Variants in VPS13C observed in about 807,000 individuals in gnomAD.
VPS13C encodes the protein intermembrane lipid transfer protein VPS13C.
VPS13C carries 358 observed loss-of-function variants against 456.8 expected under a neutral mutation model. The ratio of observed to expected loss-of-function variants is 0.78; its 90% CI spans 0.72 to 0.86. VPS13C has a LOEUF of 0.86. Among genes scored for constraint, VPS13C ranks in the 40% least tolerant of loss-of-function variants. The probability of loss-of-function intolerance (pLI) is 0.00; values close to 1 mark genes in which losing one functional copy is unlikely to be tolerated. For missense variants in VPS13C, 4,818 were observed against 4,385.4 expected (o/e 1.10, Z -2.79); for synonymous variants, 1,578 against 1,486.7 (o/e 1.06, Z -1.41).
At position 61,864,455 on chromosome 15, in the gene VPS13C, T is replaced by C. The variant is rs945440494; in HGVS notation, c.10864-927A>G. The C allele has an allele frequency of 2.5e-5, 21 of 833,650 alleles. No individual in the cohort carries two copies. The African/African-American group carries it at 3.5e-4, about 14-fold the overall frequency. The allele number at this position is 833,650 out of a possible 1,614,324, so 51.6% of individuals were successfully genotyped here. ...ATTATATATAATGCATGGCTGAAAATAGATAATATATATGAAAATACAGAA... is the reference window on the plus strand; with the variant it reads ...ATTATATATAATGCATGGCTGAAAACAGATAATATATATGAAAATACAGAA... On this transcript the variant is annotated intron_variant, in intron 81 of 84. Transcript: ENST00000644861.
At chr15:62,011,184 G>C (rs978011896) in intron 12 of VPS13C, among the ~76,000 whole-genome samples, 3 of 152,044 alleles carry the variant, frequency 2.0e-5, no homozygotes, top group African/African-American at 7.2e-5. Flanking sequence ...GGGAATGCAA[G>C]GTGATAAATT....
rs1257040209 is a variant in VPS13C, at chr15:61,854,552, A to G, written c.11167T>C (p.Cys3723Arg). Residue 3723 changes from cysteine (C) to arginine (R), a missense_variant, in exon 85 of 85, where the codon TGT becomes CGT. By Grantham distance (180) the Cys-to-Arg change is radical. Around this residue, in one of 3 missense-constraint regions of VPS13C, gnomAD observed 261 missense variants for 234.1 expected, o/e 1.11. Coordinates refer to ENST00000644861, the MANE Select transcript of VPS13C (RefSeq NM_020821.3). ...GACTGTGCATCCTCAATGGCATTACATGCTCTCTGTAAAGTAAAATACTTA... is the reference window on the plus strand; with the variant it reads ...GACTGTGCATCCTCAATGGCATTACGTGCTCTCTGTAAAGTAAAATACTTA... ...LKDTATAERA[C>R]NAIEDAQSTR... 1 of 1,613,982 alleles carries G rather than the reference A, an allele frequency of 6.2e-7. No homozygotes were observed. The highest frequency in any genetic ancestry group is 8.5e-7 in the Non-Finnish European group (1 of 1,179,878).
intron 66 of VPS13C, among the ~76,000 whole-genome samples, chr15:61,897,513 T>G (rs925846798): frequency 3.3e-5 from 5 of 152,034 alleles, no homozygotes; most frequent in Admixed American, 1.3e-4. Flanking sequence ...CGATGGAAGA[T>G]GAAATGAATG....
At chr15:61,964,461 A>G (rs1026027018) in intron 31 of VPS13C, among the ~76,000 whole-genome samples, 3 of 152,046 alleles carry the variant, frequency 2.0e-5, no homozygotes, top group East Asian at 1.9e-4. Flanking sequence ...TTCTCCCCCT[A>G]TTACCTACCT....
At chr15:62,054,593 G>T (rs1229627631) in intron 1 of VPS13C, among the ~76,000 whole-genome samples, 1 of 152,114 alleles carries the variant, frequency 6.6e-6, no homozygotes, top group African/African-American at 2.4e-5. Flanking sequence ...CAAGGGGAGG[G>T]AGAGTATTAG....
chr15:61,986,926 A>G (rs1211862473), intron 18 of VPS13C, among the ~76,000 whole-genome samples: 1 of 152,174 alleles, frequency 6.6e-6, no homozygotes, highest in Non-Finnish European at 1.5e-5. Context: ...ATTTTCAGAA[A>G]GACAAAAAAA....
intron 47 of VPS13C, among the ~76,000 whole-genome samples, chr15:61,937,157 T>C (rs11071642): frequency 0.32 from 49,271 of 152,156 alleles, 9,375 homozygotes; most frequent in Non-Finnish European, 0.41. Context: ...GTTCAGTTTC[T>C]AGTCTCTACC....
Position 61,947,459 on chromosome 15 carries a change from T to C in VPS13C, c.4760-150A>G, listed in dbSNP as rs76905147. ...AGATAACATGTAATTAACATAAATT[T>C]TGGAATAATTATCAAATTCCAATCT... On this transcript the variant is annotated intron_variant, in intron 42 of 84. Transcript: ENST00000644861. 2.3e-5 allele frequency: 12 copies of C among 518,238 alleles called. No homozygotes were observed. In the East Asian group the frequency reaches 4.1e-4, roughly 18 times the overall value. The allele number at this position is 518,238 out of a possible 1,614,324, so 32.1% of individuals were successfully genotyped here.
At chr15:62,019,186 T>C (rs2047368116) in intron 9 of VPS13C, among the ~76,000 whole-genome samples, 1 of 152,188 alleles carries the variant, frequency 6.6e-6, no homozygotes, top group Non-Finnish European at 1.5e-5. Context: ...TCTTTTCTCC[T>C]TTACTAGTCT....
At chr15:62,015,959 C>CCAAAAAAAAAAAAAAAAAAAAAA (rs2047229928) in intron 9 of VPS13C, among the ~76,000 whole-genome samples, 1 of 63,506 alleles carries the variant, frequency 1.6e-5, no homozygotes, top group Non-Finnish European at 3.3e-5. Flanking sequence ...AAAAAGAAGT[C>CCAAAAAAAAAAAAAAAAAAAAAA]CAAAAAAAAA....
Position 61,961,866 on chromosome 15 carries a change from T to G in VPS13C, c.3631A>C (p.Lys1211Gln). ...LNFLNNFQTA[K>Q]ESLSAATAQA... ...GCAGTGGCAGCACTCAGAGACTCTT[T>G]GGCTGTCTGGAAATTATTCAGGAAG... Residue 1211 changes from lysine to glutamine, a missense_variant, in exon 35 of 85, where the codon AAA becomes CAA. This residue lies in a region of VPS13C where 4,552 missense variants were observed against 4,130.6 expected (regional missense o/e 1.10). Transcript: ENST00000644861. The G allele has an allele frequency of 1.2e-6, 2 of 1,612,718 alleles. No individual in the cohort carries two copies. The highest frequency in any genetic ancestry group is 1.7e-6 in the Non-Finnish European group (2 of 1,179,410).
At chr15:61,995,611 T>C (rs1357019121) in intron 16 of VPS13C, among the ~76,000 whole-genome samples, 1 of 152,182 alleles carries the variant, frequency 6.6e-6, no homozygotes, top group African/African-American at 2.4e-5. Flanking sequence ...GGAAGCCCAT[T>C]AGGCAAGGAA....
intron 1 of VPS13C, among the ~76,000 whole-genome samples, chr15:62,048,183 C>T (rs890876766): frequency 9.3e-5 from 14 of 149,970 alleles, no homozygotes; most frequent in Non-Finnish European, 1.5e-4. Context: ...TATACATGTG[C>T]CATGTTGGTG....
chr15:62,035,975 A>C (rs572791748), intron 3 of VPS13C, among the ~76,000 whole-genome samples: 1 of 152,050 alleles, frequency 6.6e-6, no homozygotes, highest in East Asian at 1.9e-4. Flanking sequence ...ATCTGTCAAA[A>C]TCTTTCCATG....
chr15:61,983,747 G>C (rs1041827723), intron 20 of VPS13C, 73 bp downstream of exon 20: 3 of 1,440,654 alleles, frequency 2.1e-6, no homozygotes, highest in Admixed American at 4.4e-5. Context: ...ATATGAAAGA[G>C]GAGAAATAAG....
chr15:61,915,925 T>A lies in VPS13C; in HGVS notation c.8153A>T (p.Tyr2718Phe). 1 of 1,614,046 alleles carries A rather than the reference T, an allele frequency of 6.2e-7. No individual in the cohort carries two copies. Among genetic ancestry groups the A allele is most frequent in the Non-Finnish European group, 8.5e-7 (1 of 1,180,012 alleles). ...ATGTCCATTCCAGTTTTTGCCCTGG[T>A]ATTTCACCAGGACTAATTCCATTAT... ...GEIMELVLVKYQGKNWNGHFR... is the reference protein window; with the variant it reads ...GEIMELVLVKFQGKNWNGHFR... The change falls in exon 61 of 85, where the codon TAC becomes TTC. Residue 2718 changes from tyrosine (Y) to phenylalanine (F), a missense_variant. Tyr to Phe is a conservative substitution (Grantham distance 22). This residue lies in a region of VPS13C where 4,552 missense variants were observed against 4,130.6 expected (regional missense o/e 1.10). Transcript: ENST00000644861.
chr15:62,010,366 T>A (rs1293671536), intron 13 of VPS13C, 106 bp downstream of exon 13: 2 of 1,267,118 alleles, frequency 1.6e-6, no homozygotes, highest in Admixed American at 2.9e-5. Flanking sequence ...AATCTCAACA[T>A]AACAAACCCC....
intron 79 of VPS13C, among the ~76,000 whole-genome samples, chr15:61,870,165 T>A (rs1354512969): frequency 1.3e-5 from 2 of 152,166 alleles, no homozygotes; most frequent in Non-Finnish European, 2.9e-5. Flanking sequence ...ATCACCACAA[T>A]CCATTTCAGA....
At chr15:61,982,404 G>T in intron 21 of VPS13C, 55 bp downstream of exon 21, 1 of 1,373,690 alleles carries the variant, frequency 7.3e-7, no homozygotes, top group Non-Finnish European at 1.0e-6. Flanking sequence ...TTACATTAGA[G>T]TAGGCAAAAT....
Sources: allele counts gnomAD v4.1 joint callset (sites outside exome capture counted in the v4.1 genomes callset), GRCh38; gene constraint gnomAD v4.1.1; regional missense constraint gnomAD v4.1.1; transcripts MANE v1.5; gene names NCBI Gene and HGNC (gene_info 2026-07-23, HGNC 2026-07-21).